Variants in OR2L13 observed in about 807,000 individuals in gnomAD.
OR2L13 encodes olfactory receptor 2L13.
A neutral mutation model predicts 15.3 loss-of-function variants in OR2L13; 14 were observed. That is an observed-to-expected ratio of 0.91 (90% CI 0.60 to 1.43). The LOEUF (loss-of-function observed/expected upper bound fraction) is 1.43. Among genes scored for constraint, OR2L13 ranks in the 40% most tolerant of loss-of-function variants. OR2L13 has a pLI of 0.00. For missense variants in OR2L13, 367 were observed against 387.9 expected, an observed-to-expected ratio of 0.95 and a Z score of 0.45; for synonymous variants, 152 against 142.9, an observed-to-expected ratio of 1.06 and a Z score of -0.45.
chr1:247,977,057 TAAC>T, the OR2L13 span, among the ~76,000 whole-genome samples: 1 of 152,210 alleles, frequency 6.6e-6, no homozygotes, highest in Admixed American at 6.5e-5. Context: ...TTTCTAATAA[TAAC>T]ATGTGTCATC....
the OR2L13 span, among the ~76,000 whole-genome samples, chr1:247,955,116 A>C: frequency 2.1e-5 from 3 of 142,726 alleles, no homozygotes; most frequent in South Asian, 2.3e-4. Context: ...ACCCCACAGC[A>C]GGCCCTGGTG....
At chr1:248,022,688 A>G in the OR2L13 span, 5 of 1,614,150 alleles carry the variant, frequency 3.1e-6, no homozygotes, top group South Asian at 2.2e-5. Context: ...TCACTGTAGT[A>G]ACTTTCTACT....
At chr1:247,965,760 C>G in the OR2L13 span, 7 of 1,579,208 alleles carry the variant, frequency 4.4e-6, no homozygotes, top group African/African-American at 8.1e-5. Context: ...CTATCTGTCA[C>G]CCTTTACATT....
At chr1:248,083,579 A>G in the OR2L13 span, 3 of 1,126,642 alleles carry the variant, frequency 2.7e-6, no homozygotes, top group African/African-American at 4.6e-5. Context: ...GGAGAGAATT[A>G]CAATGTGTTA....
chr1:247,996,182 G>A, the OR2L13 span, among the ~76,000 whole-genome samples: 72 of 152,222 alleles, frequency 4.7e-4, 1 homozygote, highest in Middle Eastern at 3.4e-3. Flanking sequence ...CCACTCCATG[G>A]GCAATTGAAC....
the OR2L13 span, among the ~76,000 whole-genome samples, chr1:247,977,587 GC>G: frequency 1.3e-5 from 2 of 152,074 alleles, no homozygotes; most frequent in East Asian, 3.9e-4. Context: ...TGGGTTTTTA[GC>G]CAAAAGCATA....
the OR2L13 span, among the ~76,000 whole-genome samples, chr1:247,950,083 A>G: frequency 6.6e-6 from 1 of 151,962 alleles, no homozygotes; most frequent in African/African-American, 2.4e-5. Context: ...AAAATGGCCT[A>G]ACTGAAGTTG....
chr1:247,970,183 A>C, the OR2L13 span, among the ~76,000 whole-genome samples: 1 of 152,054 alleles, frequency 6.6e-6, no homozygotes, highest in Non-Finnish European at 1.5e-5. Flanking sequence ...AAGAATCTGG[A>C]TCTCCCCTAA....
the OR2L13 span, among the ~76,000 whole-genome samples, chr1:248,082,288 A>C: frequency 1.4e-5 from 2 of 141,416 alleles, no homozygotes; most frequent in African/African-American, 5.3e-5. Context: ...TGGGAATTGA[A>C]CAATGAGATC....
chr1:247,986,569 G>T, the OR2L13 span, among the ~76,000 whole-genome samples: 1 of 152,024 alleles, frequency 6.6e-6, no homozygotes, highest in African/African-American at 2.4e-5. Context: ...TTGTTCTTTT[G>T]GCTTAGGATT....
the OR2L13 span, chr1:247,997,066 C>T: frequency 2.6e-5 from 4 of 152,078 alleles, no homozygotes; most frequent in Non-Finnish European, 5.9e-5. Context: ...GGTTCCTTTC[C>T]ACTCCCACTG....
chr1:248,079,504 AAAAG>A, the OR2L13 span, among the ~76,000 whole-genome samples: 6 of 150,654 alleles, frequency 4.0e-5, no homozygotes, highest in African/African-American at 1.5e-4. Context: ...CTTGAAAACA[AAAAG>A]AAAGAAAAAG....
chr1:247,955,548 A>G, the OR2L13 span, among the ~76,000 whole-genome samples: 461 of 152,180 alleles, frequency 3.0e-3, 6 homozygotes, highest in African/African-American at 0.01. Context: ...TGGTTGAACT[A>G]GTTTACAGTC....
chr1:248,060,592 G>A, the OR2L13 span: 1 of 983,788 alleles, frequency 1.0e-6, no homozygotes, highest in African/African-American at 1.6e-5. Context: ...TTACTGAGGG[G>A]CTTCAAATGC....
At chr1:247,946,340 A>G in the OR2L13 span, among the ~76,000 whole-genome samples, 1 of 152,010 alleles carries the variant, frequency 6.6e-6, no homozygotes, top group African/African-American at 2.4e-5. Context: ...AATTGCTTTG[A>G]CTGAACTTCC....
chr1:247,955,041 G>A, the OR2L13 span, among the ~76,000 whole-genome samples: 18 of 151,820 alleles, frequency 1.2e-4, no homozygotes, highest in Non-Finnish European at 2.2e-4. Flanking sequence ...TTGGTGTGCT[G>A]CACCCATTAA....
the OR2L13 span, among the ~76,000 whole-genome samples, chr1:248,082,113 C>T: frequency 6.8e-6 from 1 of 147,676 alleles, no homozygotes; most frequent in Admixed American, 6.7e-5. Flanking sequence ...CAATGATAGA[C>T]TGGATTAAGA....
the OR2L13 span, among the ~76,000 whole-genome samples, chr1:248,057,807 A>G: frequency 6.6e-6 from 1 of 152,202 alleles, no homozygotes; most frequent in Non-Finnish European, 1.5e-5. Flanking sequence ...TTGTTAGTGT[A>G]TAGAATTACA....
chr1:248,098,697 T>C lies in OR2L13; in HGVS notation c.-97T>C, dbSNP rs1012373140. 1 of 152,194 alleles carries C rather than the reference T, an allele frequency of 6.6e-6. No homozygotes were observed. Among genetic ancestry groups the C allele is most frequent in the African/African-American group, 2.4e-5 (1 of 41,444 alleles). The allele number at this position is 152,194 out of a possible 1,614,324, so 9.4% of individuals were successfully genotyped here. ...CCCAAGATGACTAACCAAATCAATA[T>C]GCTGGGCAGGATGAGACATCAGTGT... On this transcript the variant is annotated 5_prime_UTR_variant, in exon 2 of 3. It removes an upstream start codon present in the reference 5' UTR. Transcript: ENST00000641714.
Sources: gnomAD v4.1 joint callset for allele counts (sites outside exome capture counted in the v4.1 genomes callset) on GRCh38, gnomAD v4.1.1 for gene constraint, MANE v1.5 for transcripts, NCBI Gene and HGNC (gene_info 2026-07-23, HGNC 2026-07-21) for gene names.